The following GATAD2A variants were observed in gnomAD, a reference collection of about 807,000 sequenced individuals.
GATAD2A encodes the protein GATA zinc finger domain containing 2A, also known as transcriptional repressor p66-alpha.
GATAD2A carries 12 observed loss-of-function variants against 68.5 expected under a neutral mutation model. The ratio of observed to expected loss-of-function variants is 0.18; its 90% confidence interval spans 0.11 to 0.28. The LOEUF (loss-of-function observed/expected upper bound fraction) is 0.28. Ranked by LOEUF, GATAD2A falls within the 10% of genes least tolerant of loss-of-function variation. The probability of loss-of-function intolerance (pLI) is 1.00; values close to 1 mark genes in which losing one functional copy is unlikely to be tolerated. For missense variants in GATAD2A, 755 were observed against 868.5 expected (o/e 0.87, Z 1.64); for synonymous variants, 410 against 375.3 (o/e 1.09, Z -1.07).
chr19:19,474,389 A>G (rs1224812949), intron 2 of GATAD2A, among the ~76,000 whole-genome samples: 1 of 152,146 alleles, frequency 6.6e-6, no homozygotes. Flanking sequence ...CCACTCCAGA[A>G]GGGCCCTCAC....
At chr19:19,416,528 C>T (rs945259229) in intron 1 of GATAD2A, among the ~76,000 whole-genome samples, 2 of 152,156 alleles carry the variant, frequency 1.3e-5, no homozygotes, top group Admixed American at 1.3e-4. Flanking sequence ...TTGCAAAAGG[C>T]AGCAGAAGTG....
chr19:19,392,394 G>A (rs1382512141), intron 1 of GATAD2A, among the ~76,000 whole-genome samples: 1 of 109,680 alleles, frequency 9.1e-6, no homozygotes, highest in Non-Finnish European at 2.0e-5. Flanking sequence ...TTGTGTGTGT[G>A]TTTTTTTTTT....
chr19:19,449,855 C>T (rs1415080337), intron 1 of GATAD2A, among the ~76,000 whole-genome samples: 1 of 152,212 alleles, frequency 6.6e-6, no homozygotes, highest in Admixed American at 6.5e-5. Context: ...AAGTCCTCTA[C>T]CTGAAACACA....
intron 1 of GATAD2A, among the ~76,000 whole-genome samples, chr19:19,462,477 C>G (rs1021225718): frequency 3.3e-5 from 5 of 152,250 alleles, no homozygotes; most frequent in Non-Finnish European, 5.9e-5. Context: ...TGGCCTGCCT[C>G]TGGGAGGCAC....
At chr19:19,438,609 G>C (rs1206075644) in intron 1 of GATAD2A, among the ~76,000 whole-genome samples, 3 of 152,196 alleles carry the variant, frequency 2.0e-5, no homozygotes, top group African/African-American at 7.2e-5. Context: ...GTAGGTACTT[G>C]TTCAATGAAT....
intron 1 of GATAD2A, among the ~76,000 whole-genome samples, chr19:19,423,534 C>A (rs528406617): frequency 5.9e-5 from 9 of 152,254 alleles, no homozygotes; most frequent in African/African-American, 2.2e-4. Context: ...CTGAATGCCC[C>A]CCTGAGCTGA....
upstream of GATAD2A, among the ~76,000 whole-genome samples, chr19:19,401,576 C>T (rs2049755326): frequency 6.6e-6 from 1 of 151,968 alleles, no homozygotes; most frequent in Non-Finnish European, 1.5e-5. Context: ...CTTTCAGTGG[C>T]ACCAGCCTGT....
chr19:19,438,219 C>T (rs564677262), intron 1 of GATAD2A, among the ~76,000 whole-genome samples: 1 of 152,314 alleles, frequency 6.6e-6, no homozygotes, highest in East Asian at 1.9e-4. Flanking sequence ...GACTCAGAGT[C>T]ACAAAGCCAC....
At chr19:19,470,785 G>A (rs2058246189) in intron 2 of GATAD2A, among the ~76,000 whole-genome samples, 1 of 152,216 alleles carries the variant, frequency 6.6e-6, no homozygotes, top group Non-Finnish European at 1.5e-5. Context: ...TGTTGAGGAG[G>A]AAGTGTAGAA....
At chr19:19,497,711 G>A (rs1175608596) in intron 7 of GATAD2A, among the ~76,000 whole-genome samples, 1 of 152,138 alleles carries the variant, frequency 6.6e-6, no homozygotes, top group African/African-American at 2.4e-5. Flanking sequence ...CTGGGGGTGG[G>A]GTGCACAGCT....
intron 4 of GATAD2A, 79 bp downstream of exon 4, chr19:19,492,791 C>G (rs776834176): frequency 8.1e-5 from 119 of 1,472,108 alleles, no homozygotes; most frequent in Non-Finnish European, 1.1e-4. Flanking sequence ...ATGTCAGCGG[C>G]CAGAAAGGTG....
intron 1 of GATAD2A, among the ~76,000 whole-genome samples, chr19:19,399,562 G>A (rs2049544902): frequency 6.6e-6 from 1 of 152,092 alleles, no homozygotes; most frequent in South Asian, 2.1e-4. Context: ...CTCTATTGAA[G>A]GTTACCTTTT....
intron 2 of GATAD2A, among the ~76,000 whole-genome samples, chr19:19,478,836 T>C (rs1244230178): frequency 1.3e-5 from 2 of 151,506 alleles, no homozygotes; most frequent in East Asian, 3.9e-4. Context: ...AAAAAAAACC[T>C]ATTATTAATT....
chr19:19,421,391 T>A (rs1307458152), intron 1 of GATAD2A, among the ~76,000 whole-genome samples: 1 of 152,198 alleles, frequency 6.6e-6, no homozygotes, highest in Non-Finnish European at 1.5e-5. Flanking sequence ...GTACTGTCCC[T>A]TCGCCTGTCC....
chr19:19,465,082 C>G, intron 1 of GATAD2A: 1 of 559,982 alleles, frequency 1.8e-6, no homozygotes, highest in Non-Finnish European at 3.2e-6. Flanking sequence ...TGGCCCCCAA[C>G]AGGGCAGGGT....
chr19:19,465,657 A>G (rs2057809068), intron 2 of GATAD2A, 43 bp downstream of exon 2: 1 of 1,554,904 alleles, frequency 6.4e-7, no homozygotes, highest in African/African-American at 1.4e-5. Context: ...ACCTGGAGAC[A>G]AGCCCAGTGT....
intron 4 of GATAD2A, 51 bp downstream of exon 4, chr19:19,492,763 G>T: frequency 6.3e-7 from 1 of 1,596,084 alleles, no homozygotes; most frequent in Non-Finnish European, 8.6e-7. Context: ...GCCTGGCCTT[G>T]CCTTGATCCC....
intron 1 of GATAD2A, among the ~76,000 whole-genome samples, chr19:19,423,017 T>TTGTTTTTGAGTTAGGA (rs1225244486): frequency 1.8e-4 from 27 of 152,154 alleles, no homozygotes; most frequent in Non-Finnish European, 4.4e-5. Flanking sequence ...GGCCTTTTGT[T>TTGTTTTTGAGTTAGGA]TGTTTTTGAG....
upstream of GATAD2A, among the ~76,000 whole-genome samples, chr19:19,405,546 C>T (rs1263442716): frequency 6.6e-6 from 1 of 152,044 alleles, no homozygotes; most frequent in Non-Finnish European, 1.5e-5. Context: ...GGGAGCGCGC[C>T]GGAGAGGGGC....
Sources: gnomAD v4.1 joint callset for allele counts (sites outside exome capture counted in the v4.1 genomes callset) on GRCh38, gnomAD v4.1.1 for gene constraint, MANE v1.5 for transcripts, NCBI Gene and HGNC (gene_info 2026-07-23, HGNC 2026-07-21) for gene names.